The following GLG1 variants were observed in gnomAD, a reference collection of about 807,000 sequenced individuals.
The protein encoded by GLG1 is golgi glycoprotein 1, also known as Golgi apparatus protein 1.
In GLG1, 38 loss-of-function variants were observed where a neutral mutation model predicts 160.5. The observed-to-expected ratio is 0.24, with a 90% CI of 0.18 to 0.31. The LOEUF is 0.31. Ranked by LOEUF, GLG1 falls within the 10% of genes least tolerant of loss-of-function variation. The pLI, the probability that GLG1 is intolerant of heterozygous loss-of-function variation, is 1.00. For synonymous variants in GLG1, 644 were observed against 543.4 expected (o/e 1.19, Z -2.57); for missense variants, 1,373 against 1,505.2 (o/e 0.91, Z 1.45).
At chr16:74,468,579 C>T (rs1457065496) in intron 17 of GLG1, 5 of 204,012 alleles carry the variant, frequency 2.5e-5, no homozygotes, top group Non-Finnish European at 1.0e-5. Context: ...GTTGGCCAGG[C>T]TGGTTTTGAA....
chr16:74,451,756 GAACC>G lies in GLG1; in HGVS notation c.*1407_*1410del. 2.7e-6 allele frequency: 1 copy of G among 371,848 alleles called. No homozygotes were observed. The highest frequency in any genetic ancestry group is 3.1e-5 in the South Asian group (1 of 32,082). 23.0% of individuals were successfully genotyped at this position (371,848 alleles called of 1,614,324 possible). On this transcript the variant is annotated 3_prime_UTR_variant, in exon 26 of 26. Coordinates refer to ENST00000422840, the MANE Select transcript of GLG1 (RefSeq NM_001145667.2). ...AACTCAACCAAAGGAGTGCCACGCT[GAACC>G]ATGATGCCCGGACCCCTCCCTCTCA...
At chr16:74,493,178 A>G (rs373570813) in intron 6 of GLG1, 38 bp from the exon 7 acceptor site, 51 of 1,454,700 alleles carry the variant, frequency 3.5e-5, no homozygotes, top group East Asian at 2.1e-4. Context: ...GAGACCACTC[A>G]TGTAACTTTA....
At chr16:74,571,210 T>A (rs1377230349) in intron 1 of GLG1, among the ~76,000 whole-genome samples, 1 of 152,094 alleles carries the variant, frequency 6.6e-6, no homozygotes, top group Non-Finnish European at 1.5e-5. Flanking sequence ...GACATGTAAG[T>A]GAGGCCATCT....
intron 1 of GLG1, among the ~76,000 whole-genome samples, chr16:74,564,508 TG>T: frequency 6.6e-6 from 1 of 152,328 alleles, no homozygotes; most frequent in East Asian, 1.9e-4. Context: ...TAAGTTCAAA[TG>T]GTCTCTCTTC....
At chr16:74,580,099 A>G (rs1481052471) in intron 1 of GLG1, among the ~76,000 whole-genome samples, 2 of 152,180 alleles carry the variant, frequency 1.3e-5, no homozygotes, top group Non-Finnish European at 2.9e-5. Flanking sequence ...TAACTTTTCC[A>G]GAAGAGCTGA....
At position 74,452,957 on chromosome 16, in the gene GLG1, C is replaced by A. The variant is rs149649987; in HGVS notation, c.*210G>T. 4.7e-3 allele frequency: 5,899 copies of A among 1,258,216 alleles called. 18 individuals carry two copies. Among genetic ancestry groups the A allele is most frequent in the Middle Eastern group, 0.015 (49 of 3,254 alleles). The allele number at this position is 1,258,216 out of a possible 1,614,324, so 77.9% of individuals were successfully genotyped here. On this transcript the variant is annotated 3_prime_UTR_variant, in exon 26 of 26. Coordinates refer to ENST00000422840, the MANE Select transcript of GLG1 (RefSeq NM_001145667.2). ...TGCCAAACAAAGGCAGTAACCCCAG[C>A]GACCAGCTGCTGCTGCTGCACGGTG...
At chr16:74,538,728 A>ATTT (rs58959074) in intron 1 of GLG1, among the ~76,000 whole-genome samples, 19 of 131,104 alleles carry the variant, frequency 1.4e-4, no homozygotes, top group South Asian at 2.5e-4. Flanking sequence ...AGATTTTGAG[A>ATTT]TTTTTTTTTT....
chr16:74,472,874 A>C, intron 13 of GLG1: 1 of 256,014 alleles, frequency 3.9e-6, no homozygotes, highest in East Asian at 1.0e-4. Flanking sequence ...AAAGAGAGAA[A>C]CCCGTGCAAC....
At chr16:74,489,731 C>T (rs906977105) in intron 8 of GLG1, among the ~76,000 whole-genome samples, 2 of 152,178 alleles carry the variant, frequency 1.3e-5, no homozygotes, top group Admixed American at 6.5e-5. Flanking sequence ...TTACATTTGT[C>T]TGTTTTCCCA....
intron 2 of GLG1, among the ~76,000 whole-genome samples, chr16:74,521,683 G>C (rs1020321707): frequency 6.6e-6 from 1 of 152,160 alleles, no homozygotes; most frequent in African/African-American, 2.4e-5. Flanking sequence ...AGCAGCTAAA[G>C]TCTGAGGTTC....
In GLG1 at chr16:74,503,634, G is replaced by A. The variant is rs773283993; in HGVS notation, c.671C>T (p.Thr224Met). The part of the protein sequence containing the change: ...YQCHQYITKM[T>M]AIIFSDYRLI... ...ACGGTAATCACTAAAAATGATGGCC[G>A]TCATCTTGGTAATGTACTGGTGACA... is the stretch of plus-strand genomic sequence containing the variant. The change falls in exon 4 of 26, where the codon ACG becomes ATG. Residue 224 changes from threonine (T) to methionine (M), a missense_variant. Thr to Met is a moderately conservative substitution (Grantham distance 81). Transcript: ENST00000422840. 5 of 1,612,294 alleles carry A rather than the reference G, an allele frequency of 3.1e-6. No individual in the cohort carries two copies. The highest frequency in any genetic ancestry group is 4.5e-5 in the East Asian group (2 of 44,872).
intron 9 of GLG1, among the ~76,000 whole-genome samples, chr16:74,483,897 G>C (rs906853415): frequency 6.6e-6 from 1 of 152,050 alleles, no homozygotes; most frequent in Non-Finnish European, 1.5e-5. Context: ...CTGACCTCGT[G>C]ATCTGCCCGC....
intron 3 of GLG1, among the ~76,000 whole-genome samples, chr16:74,505,165 A>G (rs2016550676): frequency 6.6e-6 from 1 of 152,238 alleles, no homozygotes; most frequent in African/African-American, 2.4e-5. Flanking sequence ...TCCTCTTCCA[A>G]AAGGTGCTGG....
chr16:74,532,058 T>C (rs2017550340), intron 2 of GLG1, 63 bp downstream of exon 2: 7 of 634,470 alleles, frequency 1.1e-5, no homozygotes, highest in Non-Finnish European at 1.8e-5. Flanking sequence ...AGGAAGAGCA[T>C]CCCGAAATCT....
chr16:74,542,627 G>C (rs1259126327), intron 1 of GLG1, among the ~76,000 whole-genome samples: 2 of 147,984 alleles, frequency 1.4e-5, no homozygotes, highest in Non-Finnish European at 3.0e-5. Flanking sequence ...AGCCGAGATT[G>C]CATCATTGCA....
chr16:74,506,526 G>A (rs1010100633), intron 3 of GLG1, among the ~76,000 whole-genome samples: 39 of 128,720 alleles, frequency 3.0e-4, no homozygotes, highest in East Asian at 1.0e-3. Flanking sequence ...AGCTTGCAGC[G>A]AGCAGAGATC....
chr16:74,606,824 G>A lies in GLG1; in HGVS notation c.271C>T (p.Pro91Ser). ...GCCGGAGGCCCACCCGCCGGGAAAGGCGGCTGCGGCGGCTGAGGCTGCTGT... is the reference window on the plus strand; with the variant it reads ...GCCGGAGGCCCACCCGCCGGGAAAGACGGCTGCGGCGGCTGAGGCTGCTGT... ...QQQQPQPPQP[P>S]FPAGGPPARR... The change falls in exon 1 of 26, where the codon CCT becomes TCT. Residue 91 changes from proline to serine, a missense_variant. This residue lies in a region of GLG1 where 322 missense variants were observed against 254.6 expected (regional missense o/e 1.26). Transcript: ENST00000422840. 1 of 1,600,626 alleles carries A rather than the reference G, an allele frequency of 6.2e-7. No individual in the cohort carries two copies. Among genetic ancestry groups the A allele is most frequent in the Non-Finnish European group, 8.5e-7 (1 of 1,173,858 alleles).
rs965218495 is a variant in GLG1, at chr16:74,517,843, T to G, written c.472-8918A>C. Among the ~76,000 whole-genome samples the G allele has an allele frequency of 2.7e-4, 41 of 152,140 alleles. 2 individuals carry two copies. Among genetic ancestry groups the G allele is most frequent in the Non-Finnish European group, 7.4e-5 (5 of 68,022 alleles). On this transcript the variant is annotated intron_variant, in intron 2 of 25. Coordinates refer to ENST00000422840, the MANE Select transcript of GLG1 (RefSeq NM_001145667.2). Reference sequence around the variant, plus strand: ...AATCTCCTTAAGCTGATAAGCAACTTCAGCAAAGTCTCAGGATACAAAATC... The same window carrying G: ...AATCTCCTTAAGCTGATAAGCAACTGCAGCAAAGTCTCAGGATACAAAATC...
At chr16:74,534,822 GTTAAT>G (rs1198103576) in intron 1 of GLG1, among the ~76,000 whole-genome samples, 1 of 152,230 alleles carries the variant, frequency 6.6e-6, no homozygotes, top group Non-Finnish European at 1.5e-5. Context: ...CACATTTGCA[GTTAAT>G]TGAGTCTCCA....
Sources: gnomAD v4.1 joint callset for allele counts (sites outside exome capture counted in the v4.1 genomes callset) on GRCh38, gnomAD v4.1.1 for gene constraint, gnomAD v4.1.1 regional missense constraint, MANE v1.5 for transcripts, NCBI Gene and HGNC (gene_info 2026-07-23, HGNC 2026-07-21) for gene names.